Variants in SLC25A19 observed in about 807,000 individuals in gnomAD.
SLC25A19 encodes mitochondrial thiamine pyrophosphate carrier.
SLC25A19 carries 18 observed loss-of-function variants against 27.9 expected under a neutral mutation model. That is an observed-to-expected ratio of 0.64 (90% confidence interval 0.45 to 0.96). The LOEUF is 0.96. SLC25A19 is among the 40% of genes least tolerant of loss of function. The probability of loss-of-function intolerance (pLI) is 0.00; values close to 1 mark genes in which losing one functional copy is unlikely to be tolerated. For synonymous variants in SLC25A19, 169 were observed against 167.1 expected, an observed-to-expected ratio of 1.01 and a Z score of -0.09; for missense variants, 371 against 418.3, an observed-to-expected ratio of 0.89 and a Z score of 0.99.
intron 4 of SLC25A19, among the ~76,000 whole-genome samples, chr17:75,285,938 A>G (rs1047894170): frequency 3.3e-5 from 5 of 152,160 alleles, no homozygotes; most frequent in Non-Finnish European, 7.4e-5. Context: ...TGAGATCCAC[A>G]TGACAGCTAC....
In SLC25A19 at chr17:75,273,279, G is replaced by A. The variant is rs1284451179; in HGVS notation, c.*172C>T. 1.2e-5 allele frequency: 8 copies of A among 650,894 alleles called. No homozygotes were observed. The highest frequency in any genetic ancestry group is 8.1e-5 in the Admixed American group (3 of 37,224). The allele number at this position is 650,894 out of a possible 1,614,324, so 40.3% of individuals were successfully genotyped here. A position where few individuals can be genotyped will look rare whatever the true frequency, so the allele number is the denominator to read the frequency against. On this transcript the variant is annotated 3_prime_UTR_variant, in exon 8 of 8. Coordinates refer to ENST00000416858, the MANE Select transcript of SLC25A19 (RefSeq NM_001126121.2). The stretch of plus-strand genomic sequence containing the variant: ...CCTGCATTCCCTCTGATTCTCTCAT[G>A]GGGAGAGCCCTGGACCTTCTGGTGG...
chr17:75,286,613 T>A lies in SLC25A19; in HGVS notation c.132+20A>T. On this transcript the variant is annotated intron_variant, in intron 3 of 7. Coordinates refer to ENST00000416858, the MANE Select transcript of SLC25A19 (RefSeq NM_001126121.2). ...TGAACTTGTCCTCCAGTCCATTGCA[T>A]GGAAAAAGGGGAAGAGTACCTGGAA... 1 of 1,613,994 alleles carries A rather than the reference T, an allele frequency of 6.2e-7. No individual in the cohort carries two copies. Among genetic ancestry groups the A allele is most frequent in the South Asian group, 1.1e-5 (1 of 91,062 alleles).
At position 75,273,213 on chromosome 17, in the gene SLC25A19, T is replaced by G; in HGVS notation, c.*238A>C. ...GGTCAGAGGAGAAACAGCAACTTCCTGCTCCTTCTCACTGTGTCGTTGGCT... is the reference window on the plus strand; with the variant it reads ...GGTCAGAGGAGAAACAGCAACTTCCGGCTCCTTCTCACTGTGTCGTTGGCT... On this transcript the variant is annotated 3_prime_UTR_variant, in exon 8 of 8. Transcript: ENST00000416858. The G allele has an allele frequency of 1.8e-6, 1 of 551,204 alleles. No individual in the cohort carries two copies. Among genetic ancestry groups the G allele is most frequent in the Non-Finnish European group, 3.3e-6 (1 of 306,274 alleles). The allele number at this position is 551,204 out of a possible 1,614,324, so 34.1% of individuals were successfully genotyped here.
At chr17:75,277,692 G>C (rs1216522111) in intron 6 of SLC25A19, among the ~76,000 whole-genome samples, 1 of 152,098 alleles carries the variant, frequency 6.6e-6, no homozygotes, top group Non-Finnish European at 1.5e-5. Flanking sequence ...GAGTGATCCG[G>C]GCTGGAAGGG....
At chr17:75,287,972 T>C (rs8077353) in intron 2 of SLC25A19, 117,722 of 151,790 alleles carry the variant, frequency 0.78, 45,829 homozygotes, top group East Asian at 0.88. Flanking sequence ...GGTGAAACCC[T>C]GTCTCTAATA....
intron 4 of SLC25A19, 131 bp from the exon 5 acceptor site, chr17:75,283,724 C>T (rs113455278): frequency 1.4e-5 from 12 of 840,680 alleles, no homozygotes; most frequent in South Asian, 4.3e-5. Context: ...AGGAAATGTT[C>T]TTCTTGAGCA....
At position 75,289,347 on chromosome 17, in the gene SLC25A19, T is replaced by A. The variant is rs1299912218; in HGVS notation, c.-129+7A>T. On this transcript the variant is annotated splice_region_variant and intron_variant, in intron 1 of 7. Coordinates refer to ENST00000416858, the MANE Select transcript of SLC25A19 (RefSeq NM_001126121.2). ...CGGCGAGAAGGACGGAGGTAGAGGT[T>A]ACTCACACGGCTCGGCGGGTGCGGC... 4.6e-5 allele frequency: 7 copies of A among 152,248 alleles called. No individual in the cohort carries two copies. The highest frequency in any genetic ancestry group is 9.7e-5 in the African/African-American group (4 of 41,390). The allele number at this position is 152,248 out of a possible 1,614,324, so 9.4% of individuals were successfully genotyped here.
At position 75,288,531 on chromosome 17, in the gene SLC25A19, G is replaced by A. The variant is rs1413468845; in HGVS notation, c.-68C>T. On this transcript the variant is annotated 5_prime_UTR_variant, in exon 2 of 8. Coordinates refer to ENST00000416858, the MANE Select transcript of SLC25A19 (RefSeq NM_001126121.2). ...GGTCTGTAGAGTTGTACAAAGCATA[G>A]AAAGAAGTCTGTAACCACACACATC... The A allele has an allele frequency of 6.6e-6, 1 of 151,416 alleles. No homozygotes were observed. Among genetic ancestry groups the A allele is most frequent in the Admixed American group, 6.6e-5 (1 of 15,124 alleles). The allele number at this position is 151,416 out of a possible 1,614,324, so 9.4% of individuals were successfully genotyped here.
intron 7 of SLC25A19, among the ~76,000 whole-genome samples, chr17:75,274,540 C>T (rs144172504): frequency 5.3e-5 from 8 of 152,342 alleles, no homozygotes; most frequent in African/African-American, 1.9e-4. Context: ...GGTCCTCCCA[C>T]GTGCCCTTCC....
At chr17:75,278,096 G>C (rs1020289438) in intron 6 of SLC25A19, 56 bp downstream of exon 6, 5 of 1,578,026 alleles carry the variant, frequency 3.2e-6, no homozygotes, top group African/African-American at 2.7e-5. Flanking sequence ...GATTTGGAAG[G>C]GGGTGTTCTG....
intron 4 of SLC25A19, among the ~76,000 whole-genome samples, chr17:75,284,793 C>T (rs1471794373): frequency 2.6e-5 from 4 of 151,876 alleles, no homozygotes; most frequent in African/African-American, 9.7e-5. Flanking sequence ...CAGGCGCATG[C>T]CACCATGTCC....
intron 5 of SLC25A19, among the ~76,000 whole-genome samples, chr17:75,282,682 C>T (rs2078068603): frequency 6.6e-6 from 1 of 151,472 alleles, no homozygotes; most frequent in African/African-American, 2.4e-5. Flanking sequence ...GAAACCCTGT[C>T]TCTACTAAAA....
rs1188437075 is a variant in SLC25A19, at chr17:75,273,321, G to A, written c.*130C>T. 9.9e-7 allele frequency: 1 copy of A among 1,011,918 alleles called. No individual in the cohort carries two copies. Among genetic ancestry groups the A allele is most frequent in the Admixed American group, 2.1e-5 (1 of 48,678 alleles). 62.7% of individuals were successfully genotyped at this position (1,011,918 alleles called of 1,614,324 possible). A position where few individuals can be genotyped will look rare whatever the true frequency, so the allele number is the denominator to read the frequency against. On this transcript the variant is annotated 3_prime_UTR_variant, in exon 8 of 8. Coordinates refer to ENST00000416858, the MANE Select transcript of SLC25A19 (RefSeq NM_001126121.2). ...TTCTGGTGGTGTCCCAGCTGGGTGG[G>A]TTCAAGGCTGCTACCCCGCTTGGGG...
At chr17:75,282,186 G>A (rs1460484112) in intron 5 of SLC25A19, among the ~76,000 whole-genome samples, 1 of 152,164 alleles carries the variant, frequency 6.6e-6, no homozygotes, top group East Asian at 1.9e-4. Context: ...CCAGGAGGTC[G>A]AGGCTTCAGT....
At chr17:75,280,161 G>A (rs1299733843) in intron 5 of SLC25A19, among the ~76,000 whole-genome samples, 1 of 152,106 alleles carries the variant, frequency 6.6e-6, no homozygotes, top group South Asian at 2.1e-4. Context: ...GAGCCTAGGA[G>A]TTCGAGAACA....
Position 75,273,550 on chromosome 17 carries a change from G to A in SLC25A19, c.864C>T (p.Ser288=). The A allele has an allele frequency of 6.2e-7, 1 of 1,614,170 alleles. No individual in the cohort carries two copies. The highest frequency in any genetic ancestry group is 1.7e-5 in the Admixed American group (1 of 60,032). The stretch of plus-strand genomic sequence containing the variant: ...CTGTGGAGAGGGCAGCCTTCAGCAA[G>A]CTGGGGGACAGGCCCTTGAAGAAGC... ...ALGFFKGLSP[S]LLKAALSTGF... is the part of the protein sequence containing the mutation. Residue 288 remains serine (S), a synonymous_variant, in exon 8 of 8, where the codon AGC becomes AGT. Coordinates refer to ENST00000416858, the MANE Select transcript of SLC25A19 (RefSeq NM_001126121.2).
At chr17:75,286,861 T>C in intron 2 of SLC25A19, 59 bp from the exon 3 acceptor site, 1 of 1,501,248 alleles carries the variant, frequency 6.7e-7, no homozygotes, top group Non-Finnish European at 9.1e-7. Flanking sequence ...TCTGCTCAAA[T>C]ATCACCTCCT....
chr17:75,278,099 G>A (rs1423106021), intron 6 of SLC25A19, 53 bp downstream of exon 6: 7 of 1,583,020 alleles, frequency 4.4e-6, no homozygotes, highest in Non-Finnish European at 6.1e-6. Context: ...TTGGAAGGGG[G>A]TGTTCTGGTG....
Position 75,286,795 on chromosome 17 carries a change from G to T in SLC25A19, c.-31C>A, listed in dbSNP as rs201523446. 1.2e-6 allele frequency: 2 copies of T among 1,613,836 alleles called. No individual in the cohort carries two copies. The highest frequency in any genetic ancestry group is 4.5e-5 in the East Asian group (2 of 44,872). ...CCTCTGGCCCACACAATGTCCATCA[G>T]TATCAAGCTAAATGCAAGAGATACG... On this transcript the variant is annotated 5_prime_UTR_variant, in exon 3 of 8. It adds an upstream start codon to the 5' untranslated region. Coordinates refer to ENST00000416858, the MANE Select transcript of SLC25A19 (RefSeq NM_001126121.2).
Sources: gnomAD v4.1 joint callset for allele counts (sites outside exome capture counted in the v4.1 genomes callset) on GRCh38, gnomAD v4.1.1 for gene constraint, MANE v1.5 for transcripts, NCBI Gene and HGNC (gene_info 2026-07-23, HGNC 2026-07-21) for gene names.